The following ATG14 variants were observed in gnomAD, a reference collection of about 807,000 sequenced individuals.
ATG14 encodes autophagy related 14.
In ATG14, 35 loss-of-function variants were observed where a neutral mutation model predicts 60.4. That is an observed-to-expected ratio of 0.58 (90% CI 0.44 to 0.77). The LOEUF is 0.77. ATG14 is among the 30% of genes least tolerant of loss of function. The pLI, the probability that ATG14 is intolerant of heterozygous loss-of-function variation, is 0.00. For missense variants in ATG14, 647 were observed against 626.3 expected (o/e 1.03, Z -0.35); for synonymous variants, 234 against 228.8 (o/e 1.02, Z -0.21).
intron 1 of ATG14, among the ~76,000 whole-genome samples, chr14:55,401,589 G>A (rs1367142797): frequency 6.6e-6 from 1 of 152,050 alleles, no homozygotes; most frequent in Non-Finnish European, 1.5e-5. Flanking sequence ...CCCCTAAAAA[G>A]TATTCTCTCA....
intron 3 of ATG14, among the ~76,000 whole-genome samples, chr14:55,395,677 A>G (rs2140144207): frequency 6.6e-6 from 1 of 152,342 alleles, no homozygotes; most frequent in Non-Finnish European, 1.5e-5. Context: ...TTTTTGCAAA[A>G]AAGAATAACA....
rs538108917 is a variant in ATG14, at chr14:55,366,888, G to A, written c.*2731C>T. 5.9e-5 allele frequency: 9 copies of A among 152,736 alleles called. No homozygotes were observed. In the South Asian group the frequency reaches 1.7e-3, roughly 28 times the overall value. 9.5% of individuals were successfully genotyped at this position (152,736 alleles called of 1,614,324 possible). A position where few individuals can be genotyped will look rare whatever the true frequency, so the allele number is the denominator to read the frequency against. On this transcript the variant is annotated 3_prime_UTR_variant, in exon 10 of 10. Transcript: ENST00000247178. The stretch of plus-strand genomic sequence containing the variant: ...AGCAAAAAGAGTAGAAAAAACAGTG[G>A]TTGAAATGTATACTTAAGAGTATTT...
At position 55,411,610 on chromosome 14, in the gene ATG14, G is replaced by A; in HGVS notation, c.213C>T (p.Asp71=). The A allele has an allele frequency of 1.2e-6, 2 of 1,608,292 alleles. No homozygotes were observed. The highest frequency in any genetic ancestry group is 1.7e-6 in the Non-Finnish European group (2 of 1,178,044). ...SGDFVYFDGR[D]RERFIDKKER... ...CGTGGCGGCCGCCGTACCTCTCCCG[G>A]TCGCGGCCGTCGAAGTAGACGAAAT... is the stretch of plus-strand genomic sequence containing the variant. The change falls in exon 1 of 10, where the codon GAC becomes GAT. Residue 71 remains aspartate (D), a synonymous_variant. Transcript: ENST00000247178.
chr14:55,409,183 T>G (rs998994159), intron 1 of ATG14, among the ~76,000 whole-genome samples: 4 of 152,230 alleles, frequency 2.6e-5, no homozygotes, highest in African/African-American at 9.6e-5. Flanking sequence ...GAGTTTTGGA[T>G]GCAGAGAGGA....
chr14:55,397,312 A>G, intron 2 of ATG14, 60 bp downstream of exon 2: 1 of 1,425,772 alleles, frequency 7.0e-7, no homozygotes, highest in South Asian at 1.2e-5. Context: ...ACAGCACTGA[A>G]TTCAACCAAA....
intron 4 of ATG14, among the ~76,000 whole-genome samples, chr14:55,389,949 C>G (rs1256629332): frequency 6.6e-6 from 1 of 151,894 alleles, no homozygotes; most frequent in African/African-American, 2.4e-5. Flanking sequence ...AATGTGGAGA[C>G]TCACTAAGGG....
chr14:55,398,057 C>T (rs1885341093), intron 1 of ATG14, among the ~76,000 whole-genome samples: 1 of 150,152 alleles, frequency 6.7e-6, no homozygotes, highest in African/African-American at 2.5e-5. Context: ...ACGCCATTCT[C>T]CCGCCTCAGC....
chr14:55,371,661 G>C (rs1884820376), intron 9 of ATG14, among the ~76,000 whole-genome samples: 1 of 152,140 alleles, frequency 6.6e-6, no homozygotes, highest in Admixed American at 6.5e-5. Context: ...AAAATTAGCT[G>C]GGTGTGATGG....
At position 55,377,898 on chromosome 14, in the gene ATG14, T is replaced by C. The variant is rs200769555; in HGVS notation, c.1093A>G (p.Asn365Asp). 23 of 1,604,678 alleles carry C rather than the reference T, an allele frequency of 1.4e-5. No homozygotes were observed. In the African/African-American group the frequency reaches 2.8e-4, roughly 20 times the overall value. ...ILYLCFSQHV[N>D]LDQLQPLHTL... is the part of the protein sequence containing the mutation. ...TGCAGTGGTTGTAATTGATCTAAAT[T>C]TACATGCTAAAAAAAATTAAAGAAT... The change falls in exon 9 of 10, where the codon AAT becomes GAT. Residue 365 changes from asparagine (N) to aspartate (D), a missense_variant. Transcript: ENST00000247178.
chr14:55,369,501 C>CAA lies in ATG14; in HGVS notation c.*116_*117dup. ...CCCTGCTTAAAAAGACAAAACAAAA[C>CAA]AACACTTTAACCTCTTTGTTCCAGA... On this transcript the variant is annotated 3_prime_UTR_variant, in exon 10 of 10. Coordinates refer to ENST00000247178, the MANE Select transcript of ATG14 (RefSeq NM_014924.5). The CAA allele has an allele frequency of 3.8e-6, 4 of 1,050,098 alleles. No homozygotes were observed. The highest frequency in any genetic ancestry group is 5.3e-6 in the Non-Finnish European group (4 of 760,534). The allele number at this position is 1,050,098 out of a possible 1,614,324, so 65.0% of individuals were successfully genotyped here.
intron 9 of ATG14, among the ~76,000 whole-genome samples, chr14:55,372,855 C>T (rs1884849138): frequency 6.6e-6 from 1 of 152,112 alleles, no homozygotes; most frequent in Non-Finnish European, 1.5e-5. Flanking sequence ...CGGTGGACTC[C>T]GGTTCTCTGC....
intron 9 of ATG14, among the ~76,000 whole-genome samples, chr14:55,373,468 TTTTTA>T (rs1409693971): frequency 2.0e-5 from 3 of 152,178 alleles, no homozygotes; most frequent in Non-Finnish European, 2.9e-5. Context: ...ATTACTTATT[TTTTTA>T]TTTTGAGATG....
intron 4 of ATG14, 81 bp from the exon 5 acceptor site, chr14:55,386,177 G>T: frequency 1.7e-6 from 2 of 1,206,056 alleles, no homozygotes; most frequent in Non-Finnish European, 2.3e-6. Context: ...ACAAACATGC[G>T]TGTTTTCCCT....
chr14:55,402,318 A>G (rs1366196023), intron 1 of ATG14, among the ~76,000 whole-genome samples: 2 of 152,160 alleles, frequency 1.3e-5, no homozygotes, highest in African/African-American at 2.4e-5. Flanking sequence ...TCTCAGAAAC[A>G]CTACTAATGT....
chr14:55,381,907 A>G (rs1199624340), intron 6 of ATG14, 55 bp downstream of exon 6: 4 of 1,490,912 alleles, frequency 2.7e-6, no homozygotes, highest in Middle Eastern at 1.8e-4. Flanking sequence ...TGTTATGTCA[A>G]TTTTACCTAT....
At chr14:55,407,297 A>G (rs1205872033) in intron 1 of ATG14, among the ~76,000 whole-genome samples, 1 of 152,008 alleles carries the variant, frequency 6.6e-6, no homozygotes, top group Non-Finnish European at 1.5e-5. Flanking sequence ...CGCCCAGCTA[A>G]TTTTTGTATT....
chr14:55,381,972 G>C lies in ATG14; in HGVS notation c.867C>G (p.Thr289=). The C allele has an allele frequency of 6.2e-7, 1 of 1,613,656 alleles. No homozygotes were observed. The highest frequency in any genetic ancestry group is 2.2e-5 in the East Asian group (1 of 44,880). Residue 289 remains threonine, a synonymous_variant, in exon 6 of 10, where the codon ACC becomes ACG. Transcript: ENST00000247178. ...TATGCTGCTTCTCACCAGGCCCCTG[G>C]GTTGTTTTCTTCTCCTCCACCCAGC... ...YYSWVEEKKT[T]QGPDMEQSNP...
chr14:55,402,952 TATATATATATATATATAA>T lies in ATG14; in HGVS notation c.222-5536_222-5519del, dbSNP rs1374073743. 4.6e-3 allele frequency among the ~76,000 whole-genome samples: 279 copies of T among 61,166 alleles called. 10 individuals carry two copies. The highest frequency in any genetic ancestry group is 6.9e-3 in the Non-Finnish European group (221 of 31,842). 40.1% of individuals were successfully genotyped at this position (61,166 alleles called of 152,430 possible). A position where few individuals can be genotyped will look rare whatever the true frequency, so the allele number is the denominator to read the frequency against. The stretch of plus-strand genomic sequence containing the variant: ...ATATATATATATATATATATATATA[TATATATATATATATATAA>T]ATAGCTGGGCATAGTGGTGCATGGC... On this transcript the variant is annotated intron_variant, in intron 1 of 9. Transcript: ENST00000247178.
intron 5 of ATG14, among the ~76,000 whole-genome samples, chr14:55,384,756 G>A (rs1892317620): frequency 6.6e-6 from 1 of 152,358 alleles, no homozygotes; most frequent in South Asian, 2.1e-4. Context: ...AGGTGCTGGA[G>A]AGTGAGAGCA....
Sources: allele counts gnomAD v4.1 joint callset (sites outside exome capture counted in the v4.1 genomes callset), GRCh38; gene constraint gnomAD v4.1.1; transcripts MANE v1.5; gene names NCBI Gene and HGNC (gene_info 2026-07-23, HGNC 2026-07-21).